The following AFF3 variants were observed in gnomAD, a reference collection of about 807,000 sequenced individuals.
AFF3 encodes AF4/FMR2 family member 3.
AFF3 carries 32 observed loss-of-function variants against 129.7 expected under a neutral mutation model. The ratio of observed to expected loss-of-function variants is 0.25; its 90% CI spans 0.19 to 0.33. The LOEUF is 0.33. Ranked by LOEUF, AFF3 falls within the 10% of genes least tolerant of loss-of-function variation. The pLI, the probability that AFF3 is intolerant of heterozygous loss-of-function variation, is 1.00. For missense variants in AFF3, 1,373 were observed against 1,592.0 expected, an observed-to-expected ratio of 0.86 and a Z score of 2.34; for synonymous variants, 644 against 635.4, an observed-to-expected ratio of 1.01 and a Z score of -0.20.
At chr2:99,653,203 A>T (rs1490164301) in intron 12 of AFF3, among the ~76,000 whole-genome samples, 2 of 152,214 alleles carry the variant, frequency 1.3e-5, no homozygotes, top group African/African-American at 2.4e-5. Flanking sequence ...TGAATATACA[A>T]GAAGTATTTT....
At chr2:99,877,037 C>G (rs1692352167) in intron 7 of AFF3, among the ~76,000 whole-genome samples, 1 of 152,112 alleles carries the variant, frequency 6.6e-6, no homozygotes, top group Non-Finnish European at 1.5e-5. Context: ...GTGGAGGCTA[C>G]TAACGCTGAG....
intron 2 of AFF3, among the ~76,000 whole-genome samples, chr2:100,121,052 A>G (rs771064173): frequency 7.9e-5 from 12 of 152,242 alleles, no homozygotes; most frequent in Non-Finnish European, 1.5e-4. Context: ...AATATTTATT[A>G]CAAATGATAG....
intron 4 of AFF3, among the ~76,000 whole-genome samples, chr2:100,013,662 A>G (rs1682744409): frequency 6.6e-6 from 1 of 152,168 alleles, no homozygotes; most frequent in African/African-American, 2.4e-5. Context: ...AAACAGGAAT[A>G]AATGAAATAA....
At chr2:99,995,058 C>T (rs961777303) in intron 7 of AFF3, among the ~76,000 whole-genome samples, 3 of 152,170 alleles carry the variant, frequency 2.0e-5, no homozygotes, top group Admixed American at 2.0e-4. Flanking sequence ...CACATGTGGA[C>T]ACTACAGGAA....
intron 10 of AFF3, among the ~76,000 whole-genome samples, chr2:99,732,109 C>T (rs1679878275): frequency 6.6e-6 from 1 of 152,128 alleles, no homozygotes; most frequent in Non-Finnish European, 1.5e-5. Flanking sequence ...AATCCCAGCA[C>T]TTTGGGAGGC....
At chr2:99,736,011 T>A (rs1680223650) in intron 10 of AFF3, among the ~76,000 whole-genome samples, 1 of 152,230 alleles carries the variant, frequency 6.6e-6, no homozygotes, top group African/African-American at 2.4e-5. Flanking sequence ...ATGGTAAATA[T>A]AATATTTATC....
At chr2:99,965,715 C>A (rs1390204818) in intron 7 of AFF3, among the ~76,000 whole-genome samples, 1 of 152,186 alleles carries the variant, frequency 6.6e-6, no homozygotes, top group Non-Finnish European at 1.5e-5. Context: ...GCAAAACTAG[C>A]CTTCTGAGCC....
intron 1 of AFF3, among the ~76,000 whole-genome samples, chr2:100,137,575 C>T (rs1692688417): frequency 6.6e-6 from 1 of 150,638 alleles, no homozygotes; most frequent in Admixed American, 6.6e-5. Context: ...ACAGAGGCAT[C>T]CTGGAGGAAA....
At chr2:99,654,157 G>A (rs531662470) in intron 12 of AFF3, among the ~76,000 whole-genome samples, 2 of 152,190 alleles carry the variant, frequency 1.3e-5, no homozygotes, top group Admixed American at 1.3e-4. Context: ...TGGGGTTACA[G>A]GTGTGCGCCA....
chr2:99,831,935 G>A (rs1223340822), intron 8 of AFF3, among the ~76,000 whole-genome samples: 2 of 152,168 alleles, frequency 1.3e-5, no homozygotes, highest in Non-Finnish European at 2.9e-5. Flanking sequence ...TTTCTCCTCT[G>A]CATTCCTCCT....
rs192737739 is a variant in AFF3 at position 99,664,677 on chromosome 2, G to A, written c.1143+7861C>T. ...GTTCAGGAAAAGGAACAAAGGCAGA[G>A]CAAAGGTCATCTTTGATATTGTACA... On this transcript the variant is annotated intron_variant, in intron 12 of 24. Coordinates refer to ENST00000672756, the MANE Select transcript of AFF3 (RefSeq NM_001386135.1). Among the ~76,000 whole-genome samples, 169 of 152,306 alleles carry A rather than the reference G, an allele frequency of 1.1e-3. 1 individual carries two copies. Among genetic ancestry groups the A allele is most frequent in the Admixed American group, 8.8e-3 (135 of 15,302 alleles).
At chr2:100,050,979 G>A (rs986775657) in intron 4 of AFF3, among the ~76,000 whole-genome samples, 6 of 152,188 alleles carry the variant, frequency 3.9e-5, no homozygotes, top group Admixed American at 6.5e-5. Context: ...CTCCTACCCA[G>A]ACAGAGAAAC....
At chr2:99,608,249 ACT>A (rs899652461) in intron 13 of AFF3, among the ~76,000 whole-genome samples, 1 of 151,970 alleles carries the variant, frequency 6.6e-6, no homozygotes, top group African/African-American at 2.4e-5. Context: ...CCTTTGAGTT[ACT>A]GTTACCTCCT....
intron 12 of AFF3, among the ~76,000 whole-genome samples, chr2:99,665,095 C>G (rs1193405500): frequency 6.6e-6 from 1 of 152,170 alleles, no homozygotes; most frequent in African/African-American, 2.4e-5. Flanking sequence ...AGGGCCGGGC[C>G]ACAAATGAGC....
intron 7 of AFF3, among the ~76,000 whole-genome samples, chr2:99,865,046 G>A (rs1352972728): frequency 3.9e-5 from 6 of 152,236 alleles, no homozygotes; most frequent in Non-Finnish European, 7.3e-5. Context: ...GAGCCAATCT[G>A]ACAACACTGC....
At chr2:100,029,912 G>A (rs1684354572) in intron 4 of AFF3, among the ~76,000 whole-genome samples, 1 of 152,064 alleles carries the variant, frequency 6.6e-6, no homozygotes, top group East Asian at 1.9e-4. Flanking sequence ...TAAAAATACA[G>A]AATAATTAGC....
intron 4 of AFF3, among the ~76,000 whole-genome samples, chr2:100,094,550 A>C (rs893244): frequency 2.0e-5 from 3 of 150,622 alleles, no homozygotes; most frequent in East Asian, 2.0e-4. Context: ...CTTGCTCGCC[A>C]TCCACTCACC....
In AFF3 at chr2:99,947,606, AGATAGATAGAT is replaced by A. The variant is rs1559000325; in HGVS notation, c.873+59015_873+59025del. Among the ~76,000 whole-genome samples the A allele has an allele frequency of 2.4e-3, 122 of 50,458 alleles. 1 individual carries two copies. The highest frequency in any genetic ancestry group is 7.7e-3 in the African/African-American group (84 of 10,854). The allele number at this position is 50,458 out of a possible 152,430, so 33.1% of individuals were successfully genotyped here. A position where few individuals can be genotyped will look rare whatever the true frequency, so the allele number is the denominator to read the frequency against. On this transcript the variant is annotated intron_variant, in intron 7 of 24. Transcript: ENST00000672756. The stretch of plus-strand genomic sequence containing the variant: ...AAGAAAGAAAGAAAGAAAGAAAGAT[AGATAGATAGAT>A]AGATAGATAGATAGATAGATAGATA...
chr2:99,554,550 T>C lies in AFF3; in HGVS notation c.3336-16A>G. On this transcript the variant is annotated splice_polypyrimidine_tract_variant and intron_variant, in intron 23 of 24. Coordinates refer to ENST00000672756, the MANE Select transcript of AFF3 (RefSeq NM_001386135.1). ...TCCAGTGCTCCTGGAAGGGGAGAGG[T>C]AGAAAAACCAGAGTGGCGAGGTCGG... The C allele has an allele frequency of 6.2e-7, 1 of 1,608,638 alleles. No homozygotes were observed. Among genetic ancestry groups the C allele is most frequent in the Non-Finnish European group, 8.5e-7 (1 of 1,177,486 alleles).
Sources: gnomAD v4.1 joint callset for allele counts (sites outside exome capture counted in the v4.1 genomes callset) on GRCh38, gnomAD v4.1.1 for gene constraint, MANE v1.5 for transcripts, NCBI Gene and HGNC (gene_info 2026-07-23, HGNC 2026-07-21) for gene names.